Variants in SOX6 observed in about 807,000 individuals in gnomAD.
SOX6 encodes the protein transcription factor SOX-6.
SOX6 carries 11 observed loss-of-function variants against 97.8 expected under a neutral mutation model. That is an observed-to-expected ratio of 0.11 (90% CI 0.07 to 0.19). The LOEUF is 0.19. SOX6 is among the 10% of genes least tolerant of loss of function. The pLI is 1.00. For synonymous variants in SOX6, 360 were observed against 371.4 expected, an observed-to-expected ratio of 0.97 and a Z score of 0.35; for missense variants, 810 against 1,039.5, an observed-to-expected ratio of 0.78 and a Z score of 3.04.
At chr11:16,581,891 A>T (rs544594392) in intron 4 of SOX6, among the ~76,000 whole-genome samples, 27 of 150,944 alleles carry the variant, frequency 1.8e-4, no homozygotes, top group Non-Finnish European at 3.1e-4. Context: ...AATCCAGGAG[A>T]CAGAGGTTGC....
intron 3 of SOX6, chr11:16,284,003 T>C (rs374397146): frequency 2.0e-5 from 6 of 302,898 alleles, no homozygotes; most frequent in East Asian, 1.2e-4. Context: ...GTTTACACTA[T>C]TAATAATGAG....
intron 4 of SOX6, among the ~76,000 whole-genome samples, chr11:16,227,797 G>A (rs573190283): frequency 1.3e-5 from 2 of 152,036 alleles, no homozygotes; most frequent in Non-Finnish European, 2.9e-5. Context: ...ATATGTATTA[G>A]GCCAAACTTC....
At chr11:16,110,482 T>C (rs1475303745) in intron 7 of SOX6, 3 of 152,156 alleles carry the variant, frequency 2.0e-5, no homozygotes, top group African/African-American at 7.2e-5. Context: ...AAGTATACCT[T>C]GTTCTAAAAA....
intron 6 of SOX6, among the ~76,000 whole-genome samples, chr11:16,148,493 T>C (rs946540106): frequency 5.3e-5 from 8 of 152,150 alleles, no homozygotes; most frequent in Admixed American, 3.9e-4. Context: ...AGAATAATTA[T>C]GAAAAAACAA....
rs529977271 is a variant in SOX6 at position 16,541,178 on chromosome 11, G to A, written n.610-64790C>T. The stretch of plus-strand genomic sequence containing the variant: ...ACAGGAATAACACCACACATCTACA[G>A]CCATCTGATCTTTGACAAAACTAAC... On this transcript the variant is annotated intron_variant and non_coding_transcript_variant, in intron 4 of 5. Coordinates refer to the SOX6 transcript ENST00000524520. Among the ~76,000 whole-genome samples, 3 of 152,162 alleles carry A rather than the reference G, an allele frequency of 2.0e-5. No homozygotes were observed. The East Asian group carries it at 5.8e-4, about 29-fold the overall frequency.
At chr11:16,620,548 C>T (rs1216023639) in intron 3 of SOX6, among the ~76,000 whole-genome samples, 6 of 152,118 alleles carry the variant, frequency 3.9e-5, no homozygotes. Flanking sequence ...GGACTACAGG[C>T]CCATGCCACC....
intron 1 of SOX6, among the ~76,000 whole-genome samples, chr11:16,448,759 C>T (rs1259862189): frequency 6.6e-6 from 1 of 152,150 alleles, no homozygotes; most frequent in African/African-American, 2.4e-5. Context: ...AGGGCAAGTA[C>T]AGTGGCTTAT....
intron 3 of SOX6, among the ~76,000 whole-genome samples, chr11:16,266,816 T>G (rs10832578): frequency 0.78 from 118,313 of 151,306 alleles, 46,403 homozygotes; most frequent in Non-Finnish European, 0.8. Context: ...ATATACATGG[T>G]ATTATTTTAA....
chr11:16,183,949 C>T lies in SOX6; in HGVS notation c.714G>A (p.Ala238=), dbSNP rs1364098469. The change falls in exon 6 of 16, where the codon GCG becomes GCA. Residue 238 remains alanine (A), a synonymous_variant. Coordinates refer to ENST00000683767, the MANE Select transcript of SOX6 (RefSeq NM_001367873.1). ...DLARQQQEQI[A]RQQQQLLQQQ... ...GTTGCAGAAGTTGCTGCTGTTGTCT[C>T]GCAATCTATCAGAAATAAAGTTTCA... 7 of 1,611,830 alleles carry T rather than the reference C, an allele frequency of 4.3e-6. No individual in the cohort carries two copies. Among genetic ancestry groups the T allele is most frequent in the African/African-American group, 2.7e-5 (2 of 74,772 alleles).
intron 4 of SOX6, among the ~76,000 whole-genome samples, chr11:16,216,544 T>A (rs1365204434): frequency 6.6e-6 from 1 of 151,942 alleles, no homozygotes. Flanking sequence ...GTTTTCTTTA[T>A]GAAATATAAT....
At chr11:16,179,809 T>C (rs759755010) in intron 6 of SOX6, among the ~76,000 whole-genome samples, 13 of 151,908 alleles carry the variant, frequency 8.6e-5, no homozygotes, top group Non-Finnish European at 1.8e-4. Context: ...TTTAGTTAGT[T>C]ATGTGAGGAG....
At chr11:16,253,250 G>A (rs1165027475) in intron 3 of SOX6, among the ~76,000 whole-genome samples, 2 of 151,978 alleles carry the variant, frequency 1.3e-5, no homozygotes, top group Non-Finnish European at 2.9e-5. Context: ...TCAGGAGGCT[G>A]AGGTAGGAGA....
At chr11:16,706,421 GC>G (rs1254959507) in intron 3 of SOX6, among the ~76,000 whole-genome samples, 1 of 123,360 alleles carries the variant, frequency 8.1e-6, no homozygotes, top group African/African-American at 3.2e-5. Flanking sequence ...GCACTTTCCA[GC>G]CTGGGTGAAA....
At chr11:16,582,806 A>G (rs1848043135) in intron 4 of SOX6, among the ~76,000 whole-genome samples, 3 of 152,246 alleles carry the variant, frequency 2.0e-5, no homozygotes, top group South Asian at 4.1e-4. Context: ...ATATTGTTAA[A>G]TATCTACCTC....
intron 7 of SOX6, among the ~76,000 whole-genome samples, chr11:16,104,352 C>T (rs1442348431): frequency 6.6e-6 from 1 of 151,976 alleles, no homozygotes; most frequent in African/African-American, 2.4e-5. Context: ...ATTTTATTCA[C>T]TGAGAAAAGG....
chr11:16,473,900 C>T (rs1205493010), intron 1 of SOX6, among the ~76,000 whole-genome samples: 2 of 152,204 alleles, frequency 1.3e-5, no homozygotes, highest in African/African-American at 4.8e-5. Flanking sequence ...ATTTTACCCA[C>T]AGCAGAACAT....
intron 9 of SOX6, among the ~76,000 whole-genome samples, chr11:16,070,846 T>TA (rs1848207092): frequency 6.6e-6 from 1 of 152,076 alleles, no homozygotes; most frequent in Non-Finnish European, 1.5e-5. Context: ...ACCCCCTATA[T>TA]CCCTCCCATC....
At chr11:16,318,064 C>T in intron 3 of SOX6, 1 of 404,444 alleles carries the variant, frequency 2.5e-6, no homozygotes, top group Non-Finnish European at 4.8e-6. Context: ...TTTAATTTTG[C>T]TTTTTAAACA....
intron 4 of SOX6, among the ~76,000 whole-genome samples, chr11:16,519,690 T>C (rs556828699): frequency 1.8e-4 from 28 of 152,328 alleles, no homozygotes; most frequent in African/African-American, 6.5e-4. Flanking sequence ...TTTGATAAAA[T>C]GATTTCTTTT....
Sources: gnomAD v4.1 joint callset for allele counts (sites outside exome capture counted in the v4.1 genomes callset) on GRCh38, gnomAD v4.1.1 for gene constraint, MANE v1.5 for transcripts, NCBI Gene and HGNC (gene_info 2026-07-23, HGNC 2026-07-21) for gene names.